The following UGGT2 variants were observed in gnomAD, a reference collection of about 807,000 sequenced individuals.
The protein encoded by UGGT2 is UDP-glucose glycoprotein glucosyltransferase 2, also known as UDP-glucose:glycoprotein glucosyltransferase 2.
UGGT2 carries 180 observed loss-of-function variants against 192.1 expected under a neutral mutation model. The observed-to-expected ratio is 0.94, with a 90% CI of 0.83 to 1.06. UGGT2 has a LOEUF of 1.06. UGGT2 is among the 50% of genes least tolerant of loss of function. The pLI, the probability that UGGT2 is intolerant of heterozygous loss-of-function variation, is 0.00. For missense variants in UGGT2, 1,849 were observed against 1,795.7 expected (o/e 1.03, Z -0.54); for synonymous variants, 580 against 591.0 (o/e 0.98, Z 0.27).
intron 38 of UGGT2, among the ~76,000 whole-genome samples, chr13:95,830,947 C>T (rs1886608824): frequency 6.6e-6 from 1 of 152,164 alleles, no homozygotes; most frequent in Non-Finnish European, 1.5e-5. Flanking sequence ...ACTATGCAGC[C>T]TTAAAAAAGG....
intron 10 of UGGT2, among the ~76,000 whole-genome samples, chr13:95,974,418 G>C (rs537089736): frequency 1.3e-5 from 2 of 152,256 alleles, no homozygotes; most frequent in South Asian, 4.1e-4. Flanking sequence ...GAGCTCAATT[G>C]TAAGTACAAA....
At chr13:96,050,900 C>G (rs1328938188) in intron 1 of UGGT2, among the ~76,000 whole-genome samples, 1 of 152,160 alleles carries the variant, frequency 6.6e-6, no homozygotes, top group Non-Finnish European at 1.5e-5. Flanking sequence ...TAAACTAGTT[C>G]AACCATTGTG....
chr13:95,832,292 CA>C (rs1186061234), intron 38 of UGGT2, among the ~76,000 whole-genome samples: 3 of 151,952 alleles, frequency 2.0e-5, no homozygotes, highest in Non-Finnish European at 4.4e-5. Context: ...GAGACACAGG[CA>C]GCACTGACAG....
At chr13:95,977,613 A>C (rs2050979107) in intron 10 of UGGT2, among the ~76,000 whole-genome samples, 1 of 152,234 alleles carries the variant, frequency 6.6e-6, no homozygotes, top group South Asian at 2.1e-4. Context: ...AAATTAGTTA[A>C]ACCATTGTAG....
At chr13:95,853,209 T>A (rs1435928118) in intron 36 of UGGT2, among the ~76,000 whole-genome samples, 1 of 152,180 alleles carries the variant, frequency 6.6e-6, no homozygotes, top group Non-Finnish European at 1.5e-5. Flanking sequence ...GAACTGTGAG[T>A]CAATTAAACC....
chr13:95,884,616 G>T lies in UGGT2; in HGVS notation c.3103C>A (p.Pro1035Thr). ...GGAATATCCAAAAATTTTGCCACTG[G>T]TCCAAGAGAAGAAACGTCATTAGCC... is the stretch of plus-strand genomic sequence containing the variant. The part of the protein sequence containing the change: ...SGANDVSSLG[P>T]VAKFLDIPES... Residue 1035 changes from proline to threonine, a missense_variant, in exon 27 of 39, where the codon CCA (proline) becomes ACA (threonine). Pro to Thr is a conservative substitution (Grantham distance 38, BLOSUM62 -1). Coordinates refer to ENST00000376747, the MANE Select transcript of UGGT2 (RefSeq NM_020121.4). 2 of 1,613,870 alleles carry T rather than the reference G, an allele frequency of 1.2e-6. No homozygotes were observed. The highest frequency in any genetic ancestry group is 1.7e-4 in the Middle Eastern group (1 of 6,058).
chr13:95,912,081 A>G (rs1566682545), intron 20 of UGGT2, among the ~76,000 whole-genome samples: 1 of 152,182 alleles, frequency 6.6e-6, no homozygotes, highest in Admixed American at 6.5e-5. Flanking sequence ...TTGATGGAAC[A>G]TATCTCAAAA....
At chr13:95,817,974 C>T (rs2139772885) in intron 38 of UGGT2, among the ~76,000 whole-genome samples, 1 of 152,226 alleles carries the variant, frequency 6.6e-6, no homozygotes, top group South Asian at 2.1e-4. Flanking sequence ...TAATAAAAGT[C>T]TAGTATTTAT....
intron 2 of UGGT2, among the ~76,000 whole-genome samples, chr13:96,026,237 C>G (rs2052660904): frequency 2.0e-5 from 3 of 152,096 alleles, no homozygotes; most frequent in Admixed American, 6.5e-5. Flanking sequence ...CGAATTCACA[C>G]ATGAACAATT....
At chr13:95,959,313 T>C (rs2050313762) in intron 12 of UGGT2, among the ~76,000 whole-genome samples, 2 of 152,082 alleles carry the variant, frequency 1.3e-5, no homozygotes, top group Non-Finnish European at 2.9e-5. Flanking sequence ...CTGCCTCCAA[T>C]TGCTCCTGTT....
chr13:96,012,368 C>G (rs1051951456), intron 5 of UGGT2, among the ~76,000 whole-genome samples: 1 of 151,736 alleles, frequency 6.6e-6, no homozygotes, highest in Non-Finnish European at 1.5e-5. Flanking sequence ...TAAAGGAAAT[C>G]GTTCAGGTAA....
chr13:96,047,914 T>G (rs2053366025), intron 1 of UGGT2, among the ~76,000 whole-genome samples: 1 of 151,932 alleles, frequency 6.6e-6, no homozygotes, highest in South Asian at 2.1e-4. Flanking sequence ...ACTGTCAACA[T>G]TAGACAGATC....
At chr13:95,823,240 A>G (rs934894917) in intron 38 of UGGT2, among the ~76,000 whole-genome samples, 1 of 152,084 alleles carries the variant, frequency 6.6e-6, no homozygotes, top group African/African-American at 2.4e-5. Flanking sequence ...AGAAGAATGT[A>G]TATTCTGCAG....
intron 17 of UGGT2, among the ~76,000 whole-genome samples, chr13:95,930,854 G>A (rs538139918): frequency 1.4e-4 from 21 of 152,258 alleles, no homozygotes; most frequent in African/African-American, 3.9e-4. Flanking sequence ...TGGTGGTCTC[G>A]CTGGCTTCAG....
chr13:95,873,727 A>AC (rs765822673), intron 29 of UGGT2, among the ~76,000 whole-genome samples: 20 of 151,584 alleles, frequency 1.3e-4, no homozygotes, highest in Non-Finnish European at 2.5e-4. Context: ...TTAAATTTGC[A>AC]CCCCCCATTG....
chr13:95,928,156 C>G (rs887095232), intron 17 of UGGT2, among the ~76,000 whole-genome samples: 12 of 152,246 alleles, frequency 7.9e-5, no homozygotes, highest in Admixed American at 7.9e-4. Context: ...GTCATCATGG[C>G]CCGTTCTCAA....
chr13:96,015,287 A>G (rs1786538395), intron 4 of UGGT2, among the ~76,000 whole-genome samples: 1 of 151,908 alleles, frequency 6.6e-6, no homozygotes. Context: ...CAAAAAAAAA[A>G]AAAAAGAAAG....
intron 29 of UGGT2, among the ~76,000 whole-genome samples, chr13:95,870,228 T>C (rs952252965): frequency 1.3e-5 from 2 of 152,176 alleles, no homozygotes; most frequent in African/African-American, 2.4e-5. Flanking sequence ...AGGTGGTGTA[T>C]ATTATGATAT....
At chr13:96,019,126 G>C (rs1295064952) in intron 4 of UGGT2, among the ~76,000 whole-genome samples, 4 of 51,550 alleles carry the variant, frequency 7.8e-5, no homozygotes, top group South Asian at 7.4e-4. Context: ...ACATAGCGGG[G>C]GGGGGGGGGG....
Sources: gnomAD v4.1 joint callset for allele counts (sites outside exome capture counted in the v4.1 genomes callset) on GRCh38, gnomAD v4.1.1 for gene constraint, MANE v1.5 for transcripts, NCBI Gene and HGNC (gene_info 2026-07-23, HGNC 2026-07-21) for gene names.